The following ATPAF1 variants were observed in gnomAD, a reference collection of about 807,000 sequenced individuals.
ATPAF1 encodes homolog of yeast ATP11.
ATPAF1 carries 26 observed loss-of-function variants against 43.9 expected under a neutral mutation model. That is an observed-to-expected ratio of 0.59 (90% CI 0.43 to 0.82). The LOEUF is 0.82. Ranked by LOEUF, ATPAF1 falls within the 40% of genes least tolerant of loss-of-function variation. ATPAF1 has a pLI of 0.00. For missense variants in ATPAF1, 366 were observed against 435.0 expected (o/e 0.84, Z 1.41); for synonymous variants, 157 against 168.0 (o/e 0.93, Z 0.50).
At chr1:46,647,561 TGACA>T (rs1281049774) in intron 6 of ATPAF1, among the ~76,000 whole-genome samples, 3 of 152,144 alleles carry the variant, frequency 2.0e-5, no homozygotes, top group Non-Finnish European at 4.4e-5. Context: ...TGTGCACTAG[TGACA>T]GACATTTGCA....
intron 8 of ATPAF1, among the ~76,000 whole-genome samples, chr1:46,640,703 C>G (rs1675934939): frequency 6.6e-6 from 1 of 152,142 alleles, no homozygotes; most frequent in Non-Finnish European, 1.5e-5. Context: ...AGGTAGAAAA[C>G]ATTCTTAACT....
At position 46,635,646 on chromosome 1, in the gene ATPAF1, G is replaced by A. The variant is rs186444368; in HGVS notation, c.*130C>T. The A allele has an allele frequency of 1.4e-3, 1,226 of 846,872 alleles. 3 individuals carry two copies. The highest frequency in any genetic ancestry group is 2.0e-3 in the Non-Finnish European group (1,117 of 549,616). 52.5% of individuals were successfully genotyped at this position (846,872 alleles called of 1,614,324 possible). ...AGGGCTCATCTCTGTGACTGCTTGC[G>A]ACAAGCACATAGGGCAACTCATTAC... On this transcript the variant is annotated 3_prime_UTR_variant, in exon 9 of 9. Transcript: ENST00000574428.
At chr1:46,643,546 C>T (rs1216069000) in intron 7 of ATPAF1, among the ~76,000 whole-genome samples, 1 of 152,208 alleles carries the variant, frequency 6.6e-6, no homozygotes, top group Non-Finnish European at 1.5e-5. Flanking sequence ...AAAATGTTTA[C>T]AGTAGGCAGT....
In ATPAF1 at chr1:46,643,277, G is replaced by A; in HGVS notation, c.709C>T (p.Gln237Ter). The A allele has an allele frequency of 1.9e-6, 3 of 1,613,430 alleles. No homozygotes were observed. The highest frequency in any genetic ancestry group is 1.1e-5 in the South Asian group (1 of 90,892). Residue 237 changes from glutamine to a stop codon, truncating the protein, a stop_gained, in exon 8 of 9, where the codon CAG (glutamine) becomes TAG (stop). Coordinates refer to ENST00000574428, the Ensembl canonical transcript of ATPAF1. LOFTEE classifies it high-confidence loss of function. ...TCAGGATAGTGATATAAAATCAGCT[G>A]GCTGGCTGCAGCTTCCCCTCGGGTC... is the stretch of plus-strand genomic sequence containing the variant.
chr1:46,658,134 ATTTC>A lies in ATPAF1; in HGVS notation c.478_481del (p.Glu160Ter), dbSNP rs1456228856. On this transcript the variant is annotated frameshift_variant, in exon 4 of 9. Coordinates refer to ENST00000574428, the Ensembl canonical transcript of ATPAF1. LOFTEE classifies it high-confidence loss of function. Reference sequence around the variant, plus strand: ...CCCATTTCCATTCATTACCTGTTTTATTTCTTCTGCAGTTTTTTCTTTTACCATC... The same window carrying A: ...CCCATTTCCATTCATTACCTGTTTTATTCTGCAGTTTTTTCTTTTACCATC... The A allele has an allele frequency of 6.2e-7, 1 of 1,610,332 alleles. No individual in the cohort carries two copies. Among genetic ancestry groups the A allele is most frequent in the Non-Finnish European group, 8.5e-7 (1 of 1,178,870 alleles).
intron 6 of ATPAF1, among the ~76,000 whole-genome samples, chr1:46,650,657 G>A (rs1019601126): frequency 6.6e-6 from 1 of 152,144 alleles, no homozygotes; most frequent in Non-Finnish European, 1.5e-5. Flanking sequence ...TAAAGAAAAT[G>A]TGGTATCTAT....
At chr1:46,634,344 G>A (rs1182886922), downstream of ATPAF1, 1 of 157,114 alleles carries the variant, frequency 6.4e-6, no homozygotes. Context: ...CAGGCACGGT[G>A]GCTCACACCT....
rs1248852833 is a variant in ATPAF1 at position 46,653,777 on chromosome 1, C to T, written c.540+40G>A. On this transcript the variant is annotated intron_variant, in intron 5 of 8. Transcript: ENST00000574428. The surrounding 1 kb of genome is among the most constrained non-coding windows in gnomAD (Gnocchi z 4.8). Reference sequence around the variant, plus strand: ...CTGCTAAGGTTAGAGAACTGACTTTCATGTTGTAACACTTTCACTTTGCCC... The same window carrying T: ...CTGCTAAGGTTAGAGAACTGACTTTTATGTTGTAACACTTTCACTTTGCCC... The T allele has an allele frequency of 1.3e-6, 2 of 1,590,268 alleles. No individual in the cohort carries two copies. The highest frequency in any genetic ancestry group is 1.7e-6 in the Non-Finnish European group (2 of 1,164,702).
chr1:46,658,204 TA>T lies in ATPAF1; in HGVS notation c.427-16del. The stretch of plus-strand genomic sequence containing the variant: ...GAACTGAGAGTCTTGAAAGAGACAA[TA>T]AAAAGCAATTAACACATAATTAAAA... On this transcript the variant is annotated splice_polypyrimidine_tract_variant and intron_variant, in intron 3 of 8. Coordinates refer to ENST00000574428, the Ensembl canonical transcript of ATPAF1. 6.6e-7 allele frequency: 1 copy of T among 1,524,768 alleles called. No individual in the cohort carries two copies. Among genetic ancestry groups the T allele is most frequent in the Non-Finnish European group, 8.8e-7 (1 of 1,130,370 alleles). 94.5% of individuals were successfully genotyped at this position (1,524,768 alleles called of 1,614,324 possible).
At chr1:46,639,715 C>T (rs897105041) in intron 8 of ATPAF1, among the ~76,000 whole-genome samples, 12 of 152,184 alleles carry the variant, frequency 7.9e-5, no homozygotes, top group Admixed American at 7.2e-4. Context: ...TTCTAAGTTT[C>T]TCTTCTCTAA....
intron 2 of ATPAF1, chr1:46,665,022 G>T: frequency 2.0e-6 from 1 of 494,310 alleles, no homozygotes; most frequent in Non-Finnish European, 3.6e-6. Context: ...CCACCAGACT[G>T]CTCCTCTTGG....
chr1:46,649,890 C>T (rs1027897527), intron 6 of ATPAF1, among the ~76,000 whole-genome samples: 8 of 151,992 alleles, frequency 5.3e-5, no homozygotes, highest in African/African-American at 1.2e-4. Context: ...CACACCACTG[C>T]ACTCCAGCCT....
chr1:46,636,263 C>T (rs1274609349), intron 8 of ATPAF1: 1 of 467,660 alleles, frequency 2.1e-6, no homozygotes, highest in African/African-American at 2.0e-5. Context: ...TGTTTTATAT[C>T]TCTGCAGAGT....
At chr1:46,642,898 A>G (rs1384270736) in intron 8 of ATPAF1, among the ~76,000 whole-genome samples, 1 of 152,212 alleles carries the variant, frequency 6.6e-6, no homozygotes, top group Non-Finnish European at 1.5e-5. Flanking sequence ...CATCAGTTTA[A>G]AGATTTAGTT....
chr1:46,660,102 G>A (rs1395526492), intron 2 of ATPAF1, among the ~76,000 whole-genome samples: 1 of 151,508 alleles, frequency 6.6e-6, no homozygotes, highest in Non-Finnish European at 1.5e-5. Context: ...TCAGTCTCCC[G>A]AGTAGCTGGG....
At chr1:46,647,839 A>G (rs890322839) in intron 6 of ATPAF1, among the ~76,000 whole-genome samples, 14 of 152,328 alleles carry the variant, frequency 9.2e-5, no homozygotes, top group African/African-American at 2.4e-4. Context: ...AGTTTTTGAC[A>G]TTTTAGTCAT....
chr1:46,636,503 C>G (rs1675843914), intron 8 of ATPAF1, among the ~76,000 whole-genome samples: 1 of 152,142 alleles, frequency 6.6e-6, no homozygotes, highest in African/African-American at 2.4e-5. Flanking sequence ...ACTCCCAGAG[C>G]CAGCTGTGAT....
At chr1:46,633,547 C>CTA (rs939030034), downstream of ATPAF1, 2 of 375,970 alleles carry the variant, frequency 5.3e-6, no homozygotes, top group African/African-American at 4.3e-5. Flanking sequence ...TAACACCATG[C>CTA]TAGCACCAGG....
intron 6 of ATPAF1, 35 bp from the exon 7 acceptor site, chr1:46,645,291 T>C (rs1480828984): frequency 1.3e-6 from 2 of 1,491,978 alleles, no homozygotes; most frequent in Admixed American, 3.4e-5. Flanking sequence ...GACAGATGAA[T>C]AAATGAAATT....
Sources: allele counts gnomAD v4.1 joint callset (sites outside exome capture counted in the v4.1 genomes callset), GRCh38; gene constraint gnomAD v4.1.1; non-coding constraint Gnocchi (gnomAD v3.1); transcripts MANE v1.5; gene names NCBI Gene and HGNC (gene_info 2026-07-23, HGNC 2026-07-21).